KATNIP: variants seen among roughly 807,000 people sequenced by gnomAD.
KATNIP encodes katanin-interacting protein.
KATNIP carries 126 observed loss-of-function variants against 174.0 expected under a neutral mutation model. The ratio of observed to expected loss-of-function variants is 0.72; its 90% confidence interval spans 0.63 to 0.84. The LOEUF is 0.84. Among genes scored for constraint, KATNIP ranks in the 40% least tolerant of loss-of-function variants. The probability of loss-of-function intolerance (pLI) is 0.00; values close to 1 mark genes in which losing one functional copy is unlikely to be tolerated. For synonymous variants in KATNIP, 810 were observed against 835.7 expected (o/e 0.97, Z 0.53); for missense variants, 1,958 against 2,109.7 (o/e 0.93, Z 1.41).
At chr16:27,569,239 C>T (rs937652502) in intron 1 of KATNIP, among the ~76,000 whole-genome samples, 5 of 152,120 alleles carry the variant, frequency 3.3e-5, no homozygotes, top group Admixed American at 1.3e-4. Context: ...CAAGAAGATG[C>T]GACTCCCCTC....
chr16:27,739,830 T>C (rs946177868), intron 14 of KATNIP, among the ~76,000 whole-genome samples: 1 of 151,818 alleles, frequency 6.6e-6, no homozygotes, highest in East Asian at 1.9e-4. Flanking sequence ...GGCCGTCTCT[T>C]TGTGAAAGTC....
At chr16:27,700,136 T>A (rs2079048400) in intron 10 of KATNIP, among the ~76,000 whole-genome samples, 1 of 151,954 alleles carries the variant, frequency 6.6e-6, no homozygotes, top group South Asian at 2.1e-4. Context: ...GGTCTCGAAC[T>A]CCTGACCTCA....
chr16:27,662,856 C>T lies in KATNIP; in HGVS notation c.540+14121C>T, dbSNP rs535615493. On this transcript the variant is annotated intron_variant, in intron 6 of 27. Coordinates refer to ENST00000261588, the MANE Select transcript of KATNIP (RefSeq NM_015202.5). The stretch of plus-strand genomic sequence containing the variant: ...AACACCTAATACATGGGTGCCTTCT[C>T]ATTTAAAAAGATTCAAACAGTTTAG... Among the ~76,000 whole-genome samples the T allele has an allele frequency of 2.6e-5, 4 of 152,226 alleles. No homozygotes were observed. The South Asian group carries it at 8.3e-4, about 32-fold the overall frequency.
At chr16:27,578,677 A>G (rs1314903323) in intron 2 of KATNIP, among the ~76,000 whole-genome samples, 1 of 152,140 alleles carries the variant, frequency 6.6e-6, no homozygotes, top group Non-Finnish European at 1.5e-5. Flanking sequence ...TCCCGGGTTT[A>G]AGTGATCCTT....
At chr16:27,709,004 A>T in intron 13 of KATNIP, 84 bp downstream of exon 13, 1 of 1,136,776 alleles carries the variant, frequency 8.8e-7, no homozygotes. Flanking sequence ...TGTTAAGGGT[A>T]TGAGTGGAGG....
intron 6 of KATNIP, among the ~76,000 whole-genome samples, chr16:27,649,863 G>A (rs2077065671): frequency 6.6e-6 from 1 of 152,204 alleles, no homozygotes; most frequent in African/African-American, 2.4e-5. Context: ...TGACATTTCA[G>A]TTGAAACCTG....
intron 5 of KATNIP, among the ~76,000 whole-genome samples, chr16:27,641,651 G>A (rs546758661): frequency 2.6e-4 from 40 of 152,308 alleles, no homozygotes; most frequent in African/African-American, 8.4e-4. Flanking sequence ...AAGCCTTGTC[G>A]ATCTCCTGAT....
chr16:27,701,341 GAGAAAGT>G, intron 10 of KATNIP: 1 of 372,596 alleles, frequency 2.7e-6, no homozygotes, highest in East Asian at 4.6e-5. Context: ...ATTTTGATAA[GAGAAAGT>G]TTACAGTCAC....
intron 2 of KATNIP, among the ~76,000 whole-genome samples, chr16:27,618,066 G>A (rs1468640583): frequency 6.6e-6 from 1 of 152,132 alleles, no homozygotes; most frequent in Non-Finnish European, 1.5e-5. Context: ...ACTGATTTGG[G>A]TTGCCTCTGG....
At chr16:27,702,655 G>T (rs576171121) in intron 11 of KATNIP, among the ~76,000 whole-genome samples, 5 of 152,312 alleles carry the variant, frequency 3.3e-5, no homozygotes, top group Non-Finnish European at 5.9e-5. Context: ...GCCCAGAAAG[G>T]GGGTGGTCGT....
intron 2 of KATNIP, among the ~76,000 whole-genome samples, chr16:27,576,963 A>G (rs907084939): frequency 3.3e-5 from 5 of 152,036 alleles, no homozygotes; most frequent in African/African-American, 9.7e-5. Context: ...CTCCCTGGAG[A>G]GTGAACACGT....
intron 22 of KATNIP, among the ~76,000 whole-genome samples, chr16:27,772,403 C>T (rs919443780): frequency 8.5e-5 from 13 of 152,324 alleles, no homozygotes; most frequent in Admixed American, 7.2e-4. Context: ...CTCTAAGGCC[C>T]GCTCTCTAGC....
intron 14 of KATNIP, among the ~76,000 whole-genome samples, chr16:27,736,415 TAAGC>T (rs1017175241): frequency 1.3e-5 from 2 of 152,146 alleles, no homozygotes; most frequent in Admixed American, 6.5e-5. Context: ...TAAAAGCTGA[TAAGC>T]AAGACCATTC....
chr16:27,646,970 C>G (rs1392437110), intron 5 of KATNIP, among the ~76,000 whole-genome samples: 1 of 152,206 alleles, frequency 6.6e-6, no homozygotes, highest in Non-Finnish European at 1.5e-5. Flanking sequence ...TGGCCCCTGC[C>G]CTTTGAGGAA....
intron 7 of KATNIP, 84 bp from the exon 8 acceptor site, chr16:27,681,315 G>A: frequency 1.5e-5 from 23 of 1,526,194 alleles, no homozygotes; most frequent in Non-Finnish European, 2.0e-5. Context: ...ATGAGTAAGT[G>A]AATGAATGAT....
chr16:27,594,178 C>A (rs767409466), intron 2 of KATNIP, among the ~76,000 whole-genome samples: 1 of 151,918 alleles, frequency 6.6e-6, no homozygotes, highest in Non-Finnish European at 1.5e-5. Context: ...GAGGATCACT[C>A]GAGCCCAGGA....
intron 1 of KATNIP, among the ~76,000 whole-genome samples, chr16:27,551,668 T>C (rs2089375380): frequency 6.6e-6 from 1 of 152,184 alleles, no homozygotes; most frequent in Non-Finnish European, 1.5e-5. Context: ...GTGGATCACT[T>C]GAGGTCAGGA....
chr16:27,751,949 G>A lies in KATNIP; in HGVS notation c.3552+25G>A, dbSNP rs777951595. On this transcript the variant is annotated intron_variant, in intron 17 of 27. Coordinates refer to ENST00000261588, the MANE Select transcript of KATNIP (RefSeq NM_015202.5). ...GGTAGGACTGGAGCTGGGGGGCTGT[G>A]GGGGGACCCCCAGATAGGTTTCTTC... is the stretch of plus-strand genomic sequence containing the variant. The A allele has an allele frequency of 2.5e-6, 4 of 1,571,674 alleles. No individual in the cohort carries two copies. The Admixed American group carries it at 5.3e-5, about 21-fold the overall frequency.
rs183414279 is a variant in KATNIP at position 27,695,627 on chromosome 16, G to A, written c.941-2701G>A. On this transcript the variant is annotated intron_variant, in intron 8 of 27. Transcript: ENST00000261588. ...CTTATGGTCTCTCACCATGTGAGTG[G>A]GGGACTTGGTATCTCTGGTCACTGC... Among the ~76,000 whole-genome samples, 12 of 152,272 alleles carry A rather than the reference G, an allele frequency of 7.9e-5. No homozygotes were observed. In the East Asian group the frequency reaches 2.3e-3, roughly 29 times the overall value.
Sources: allele counts gnomAD v4.1 joint callset (sites outside exome capture counted in the v4.1 genomes callset), GRCh38; gene constraint gnomAD v4.1.1; transcripts MANE v1.5; gene names NCBI Gene and HGNC (gene_info 2026-07-23, HGNC 2026-07-21).